PRKCZ: variants seen among roughly 807,000 people sequenced by gnomAD.
PRKCZ encodes protein kinase C zeta.
Under a neutral mutation model 79.5 loss-of-function variants are expected in PRKCZ, and 33 were observed. The ratio of observed to expected loss-of-function variants is 0.41; its 90% CI spans 0.31 to 0.55. PRKCZ has a LOEUF of 0.55. Ranked by LOEUF, PRKCZ falls within the 20% of genes least tolerant of loss-of-function variation. The pLI is 0.19. For synonymous variants in PRKCZ, 342 were observed against 320.9 expected (o/e 1.07, Z -0.70); for missense variants, 578 against 813.5 (o/e 0.71, Z 3.52).
intron 4 of PRKCZ, among the ~76,000 whole-genome samples, chr1:2,088,777 A>G (rs559560566): frequency 2.6e-5 from 4 of 152,326 alleles, no homozygotes; most frequent in South Asian, 4.1e-4. Context: ...GCTGGGGCTC[A>G]GCGCAACATA....
rs559188085 is a variant in PRKCZ at position 2,138,382 on chromosome 1, TGAA to T, written c.420+3040_420+3042del. ...CAAAGGGAGAGAGCCAGCGAGGTTCTGAAGAAGGAGGTGAGGAGGGGCTGCCTC... is the reference window on the plus strand; with the variant it reads ...CAAAGGGAGAGAGCCAGCGAGGTTCTGAAGGAGGTGAGGAGGGGCTGCCTC... On this transcript the variant is annotated intron_variant, in intron 5 of 17. Coordinates refer to ENST00000378567, the MANE Select transcript of PRKCZ (RefSeq NM_002744.6). Among the ~76,000 whole-genome samples the T allele has an allele frequency of 1.4e-4, 21 of 152,254 alleles. 1 individual carries two copies. In the South Asian group the frequency reaches 3.5e-3, roughly 26 times the overall value.
intron 16 of PRKCZ, 50 bp from the exon 17 acceptor site, chr1:2,184,533 T>C (rs1280958360): frequency 1.1e-5 from 15 of 1,411,260 alleles, no homozygotes; most frequent in Non-Finnish European, 1.5e-5. Context: ...CTCAATCTGG[T>C]AGGGATGATG....
intron 16 of PRKCZ, among the ~76,000 whole-genome samples, chr1:2,180,041 A>C (rs1686250157): frequency 6.6e-6 from 1 of 152,160 alleles, no homozygotes; most frequent in Non-Finnish European, 1.5e-5. Context: ...TGGGGATCAC[A>C]GCTGTGACCT....
intron 4 of PRKCZ, among the ~76,000 whole-genome samples, chr1:2,079,360 A>G (rs1194423986): frequency 1.3e-5 from 2 of 152,228 alleles, no homozygotes; most frequent in African/African-American, 4.8e-5. Context: ...CTGGGTAAAG[A>G]TTAGCACTGA....
intron 4 of PRKCZ, among the ~76,000 whole-genome samples, chr1:2,130,545 A>C (rs1674759063): frequency 6.6e-6 from 1 of 152,166 alleles, no homozygotes; most frequent in Non-Finnish European, 1.5e-5. Context: ...AGAAAGATCT[A>C]TTGTAAGGAA....
intron 4 of PRKCZ, among the ~76,000 whole-genome samples, chr1:2,112,098 G>A (rs563647727): frequency 6.6e-6 from 1 of 152,296 alleles, no homozygotes; most frequent in African/African-American, 2.4e-5. Flanking sequence ...AGTGAAAATC[G>A]CTGCAGAATG....
Position 2,165,828 on chromosome 1 carries a change from G to A in PRKCZ, c.975-3690G>A, listed in dbSNP as rs938702612. 6.6e-6 allele frequency among the ~76,000 whole-genome samples: 1 copy of A among 152,120 alleles called. No individual in the cohort carries two copies. Among genetic ancestry groups the A allele is most frequent in the Non-Finnish European group, 1.5e-5 (1 of 68,004 alleles). On this transcript the variant is annotated intron_variant, in intron 10 of 17. Coordinates refer to ENST00000378567, the MANE Select transcript of PRKCZ (RefSeq NM_002744.6). This position sits in a 1 kb window ranked among gnomAD's most constrained non-coding sequence, Gnocchi z 4.1. ...GGCACCTTGCATTCCTGGAAGGGGTGGGGGGAGTGGCGAGGAGGGGGCGGC... is the reference window on the plus strand; with the variant it reads ...GGCACCTTGCATTCCTGGAAGGGGTAGGGGGAGTGGCGAGGAGGGGGCGGC...
intron 1 of PRKCZ, among the ~76,000 whole-genome samples, chr1:2,054,307 T>C (rs1659953753): frequency 6.6e-6 from 1 of 152,218 alleles, no homozygotes; most frequent in East Asian, 1.9e-4. Context: ...TTCTGAAAAT[T>C]CAGTGTGTTC....
chr1:2,102,635 G>A (rs987868677), intron 4 of PRKCZ, among the ~76,000 whole-genome samples: 4 of 151,984 alleles, frequency 2.6e-5, no homozygotes, highest in South Asian at 2.1e-4. Context: ...CCCGGCCCTC[G>A]TTTTTGTTTG....
intron 4 of PRKCZ, chr1:2,104,808 TG>T: frequency 1.0e-6 from 1 of 985,796 alleles, no homozygotes; most frequent in Non-Finnish European, 1.2e-6. Context: ...AAGGGAGAGT[TG>T]GAGGGCGCTT....
chr1:2,155,058 G>A (rs61776606), intron 9 of PRKCZ, among the ~76,000 whole-genome samples: 4,290 of 152,326 alleles, frequency 0.028, 99 homozygotes, highest in Non-Finnish European at 0.042. Context: ...CCAGAGGCCA[G>A]CATACAACCA....
At chr1:2,115,683 G>C (rs775110902) in intron 4 of PRKCZ, among the ~76,000 whole-genome samples, 4 of 152,172 alleles carry the variant, frequency 2.6e-5, no homozygotes, top group African/African-American at 9.7e-5. Flanking sequence ...CCTGAGGCTC[G>C]GGTGGGCTAG....
At chr1:2,176,085 C>T (rs539415853) in intron 16 of PRKCZ, among the ~76,000 whole-genome samples, 7 of 152,246 alleles carry the variant, frequency 4.6e-5, no homozygotes, top group Non-Finnish European at 7.4e-5. Flanking sequence ...CGTACACTGG[C>T]TCGATTTAGG....
intron 3 of PRKCZ, among the ~76,000 whole-genome samples, chr1:2,059,060 G>A (rs1159310565): frequency 2.0e-5 from 3 of 152,164 alleles, no homozygotes; most frequent in African/African-American, 4.8e-5. Flanking sequence ...CTCCCAAAGT[G>A]CTGGGATTGC....
chr1:2,175,682 G>A (rs2100419626), intron 16 of PRKCZ, among the ~76,000 whole-genome samples: 1 of 152,108 alleles, frequency 6.6e-6, no homozygotes, highest in East Asian at 1.9e-4. Context: ...CCACTTGCGT[G>A]GAGCCAAGGC....
chr1:2,166,022 G>A (rs1050548308), intron 10 of PRKCZ, among the ~76,000 whole-genome samples: 3 of 152,218 alleles, frequency 2.0e-5, no homozygotes, highest in Admixed American at 6.5e-5. Flanking sequence ...GACTGGATCC[G>A]GCTGCGGTCT....
chr1:2,160,970 G>A (rs1682156513), intron 10 of PRKCZ, among the ~76,000 whole-genome samples: 1 of 152,148 alleles, frequency 6.6e-6, no homozygotes, highest in Non-Finnish European at 1.5e-5. Context: ...TCGGGGTGGA[G>A]GCAGTAGAGG....
intron 16 of PRKCZ, among the ~76,000 whole-genome samples, chr1:2,175,791 T>G (rs994931017): frequency 6.6e-6 from 1 of 151,342 alleles, no homozygotes; most frequent in Non-Finnish European, 1.5e-5. Context: ...GCCAGGAGAG[T>G]GAGGGGCCGG....
upstream of PRKCZ, chr1:2,049,145 G>C (rs1463611886): frequency 6.6e-6 from 1 of 152,366 alleles, no homozygotes; most frequent in African/African-American, 2.4e-5. Context: ...AGCCTGGGCA[G>C]CAAGAGCGAA....
Sources: gnomAD v4.1 joint callset for allele counts (sites outside exome capture counted in the v4.1 genomes callset) on GRCh38, gnomAD v4.1.1 for gene constraint, Gnocchi (gnomAD v3.1) non-coding constraint, MANE v1.5 for transcripts, NCBI Gene and HGNC (gene_info 2026-07-23, HGNC 2026-07-21) for gene names.